TRAPPC8: variants seen among roughly 807,000 people sequenced by gnomAD.
TRAPPC8 encodes the protein trafficking protein particle complex subunit 8, also known as general sporulation gene 1 homolog.
Under a neutral mutation model 174.3 loss-of-function variants are expected in TRAPPC8, and 54 were observed. The ratio of observed to expected loss-of-function variants is 0.31; its 90% confidence interval spans 0.25 to 0.39. TRAPPC8 has a LOEUF of 0.39. TRAPPC8 is among the 10% of genes least tolerant of loss of function. The probability of loss-of-function intolerance (pLI) is 1.00; values close to 1 mark genes in which losing one functional copy is unlikely to be tolerated. For missense variants in TRAPPC8, 1,531 were observed against 1,699.1 expected (o/e 0.90, Z 1.74); for synonymous variants, 630 against 579.9 (o/e 1.09, Z -1.24).
At chr18:31,893,971 T>C (rs537875785) in intron 11 of TRAPPC8, among the ~76,000 whole-genome samples, 1 of 152,178 alleles carries the variant, frequency 6.6e-6, no homozygotes, top group Non-Finnish European at 1.5e-5. Flanking sequence ...TGAGAATATT[T>C]AATGGTTTGC....
intron 16 of TRAPPC8, among the ~76,000 whole-genome samples, chr18:31,869,528 C>A (rs1021245683): frequency 6.6e-6 from 1 of 152,110 alleles, no homozygotes; most frequent in African/African-American, 2.4e-5. Context: ...CTGGAATCTT[C>A]CCCACAAAAA....
rs1205382965 is a variant in TRAPPC8 at position 31,916,378 on chromosome 18, G to A, written c.511C>T (p.His171Tyr). 3.1e-6 allele frequency: 5 copies of A among 1,613,764 alleles called. No homozygotes were observed. The highest frequency in any genetic ancestry group is 8.5e-7 in the Non-Finnish European group (1 of 1,179,926). ...EQFSKLSQEQ[H>Y]RIQHNSDYSY... ...TAATCACTGTTGTGCTGAATTCGAT[G>A]CTGTTCTTGTGACAACTTTGAAAAC... Residue 171 changes from histidine to tyrosine, a missense_variant, in exon 4 of 29, where the codon CAT becomes TAT. Physicochemically the swap from His to Tyr is moderately conservative, Grantham distance 83. Coordinates refer to ENST00000283351, the MANE Select transcript of TRAPPC8 (RefSeq NM_014939.5).
At chr18:31,867,003 T>C (rs1480205845) in intron 17 of TRAPPC8, 28 bp from the exon 18 acceptor site, 2 of 1,609,148 alleles carry the variant, frequency 1.2e-6, no homozygotes, top group Non-Finnish European at 1.7e-6. Context: ...TCAGTCTTAT[T>C]ATGTTTTCAT....
chr18:31,852,353 G>A lies in TRAPPC8; in HGVS notation c.3561+93C>T, dbSNP rs886366379. 3.1e-4 allele frequency: 449 copies of A among 1,437,234 alleles called. 2 individuals carry two copies. The highest frequency in any genetic ancestry group is 4.1e-4 in the Non-Finnish European group (430 of 1,038,806). 89.0% of individuals were successfully genotyped at this position (1,437,234 alleles called of 1,614,324 possible). A position where few individuals can be genotyped will look rare whatever the true frequency, so the allele number is the denominator to read the frequency against. On this transcript the variant is annotated intron_variant, in intron 24 of 28. Transcript: ENST00000283351. ...CCTTGTCTCCCCCCCAAAAAAAAGC[G>A]TTTGGGAATTACTGCGATAAGCCTT...
intron 14 of TRAPPC8, among the ~76,000 whole-genome samples, chr18:31,872,030 C>T (rs2034890254): frequency 6.6e-6 from 1 of 151,914 alleles, no homozygotes; most frequent in Non-Finnish European, 1.5e-5. Flanking sequence ...GTTATACAGA[C>T]ATATTTTCTT....
At chr18:31,833,941 G>A (rs2032536568) in intron 27 of TRAPPC8, among the ~76,000 whole-genome samples, 1 of 144,784 alleles carries the variant, frequency 6.9e-6, no homozygotes, top group Non-Finnish European at 1.5e-5. Flanking sequence ...GGTGGAGCTT[G>A]CAGTGAGCCG....
chr18:31,883,430 G>C (rs560103213), intron 12 of TRAPPC8: 1 of 152,430 alleles, frequency 6.6e-6, no homozygotes, highest in East Asian at 1.9e-4. Context: ...AAAGAAGATA[G>C]ACAGTAGAGT....
At chr18:31,869,241 GA>G (rs1416327568) in intron 16 of TRAPPC8, among the ~76,000 whole-genome samples, 1 of 151,572 alleles carries the variant, frequency 6.6e-6, no homozygotes, top group East Asian at 1.9e-4. Context: ...GAAATGAAAA[GA>G]AAAAAATATA....
At chr18:31,902,789 G>A (rs377222432) in intron 9 of TRAPPC8, among the ~76,000 whole-genome samples, 2 of 151,918 alleles carry the variant, frequency 1.3e-5, no homozygotes, top group East Asian at 1.9e-4. Flanking sequence ...GGTGGCTCAC[G>A]CCTGTAATCC....
chr18:31,854,551 TAAG>T (rs1323916611), intron 21 of TRAPPC8, among the ~76,000 whole-genome samples: 10 of 152,122 alleles, frequency 6.6e-5, no homozygotes, highest in African/African-American at 2.4e-4. Context: ...CTTACAAATT[TAAG>T]AAGTTAAAAG....
chr18:31,882,476 A>G (rs1413633681), intron 12 of TRAPPC8, among the ~76,000 whole-genome samples: 1 of 152,086 alleles, frequency 6.6e-6, no homozygotes, highest in Non-Finnish European at 1.5e-5. Context: ...AAGGGAAGGA[A>G]GTGAGGGTTG....
chr18:31,859,379 A>G (rs957786880), intron 19 of TRAPPC8, among the ~76,000 whole-genome samples: 4 of 152,206 alleles, frequency 2.6e-5, no homozygotes, highest in African/African-American at 9.7e-5. Context: ...AATCCCGCAC[A>G]TAGATTTAAT....
At chr18:31,868,451 C>T (rs2034688132) in intron 16 of TRAPPC8, among the ~76,000 whole-genome samples, 1 of 152,060 alleles carries the variant, frequency 6.6e-6, no homozygotes. Context: ...CCATATTGAA[C>T]AGACTAATAT....
At chr18:31,918,608 T>G (rs1598737740) in intron 2 of TRAPPC8, among the ~76,000 whole-genome samples, 1 of 152,194 alleles carries the variant, frequency 6.6e-6, no homozygotes, top group South Asian at 2.1e-4. Context: ...TAGTTCAAAA[T>G]GTAAATGGTG....
At position 31,863,688 on chromosome 18, in the gene TRAPPC8, T is replaced by C. The variant is rs1452299213; in HGVS notation, c.2745+939A>G. ...CACTTTTGGAGGTAGGTTGCTATCCTTGTAAACCCCCTACTAGAATAACTT... is the reference window on the plus strand; with the variant it reads ...CACTTTTGGAGGTAGGTTGCTATCCCTGTAAACCCCCTACTAGAATAACTT... On this transcript the variant is annotated intron_variant, in intron 19 of 28. Coordinates refer to ENST00000283351, the MANE Select transcript of TRAPPC8 (RefSeq NM_014939.5). Among the ~76,000 whole-genome samples the C allele has an allele frequency of 2.0e-5, 3 of 152,252 alleles. No homozygotes were observed. In the East Asian group the frequency reaches 5.8e-4, roughly 29 times the overall value.
At chr18:31,922,005 A>G (rs944128238) in intron 2 of TRAPPC8, among the ~76,000 whole-genome samples, 1 of 152,190 alleles carries the variant, frequency 6.6e-6, no homozygotes, top group African/African-American at 2.4e-5. Context: ...GAAGAATGTA[A>G]CCCAAAACTG....
chr18:31,860,402 T>TAA (rs2145127541), intron 19 of TRAPPC8, among the ~76,000 whole-genome samples: 1 of 152,276 alleles, frequency 6.6e-6, no homozygotes, highest in African/African-American at 2.4e-5. Context: ...GAAAGATTTC[T>TAA]AATCCACATA....
intron 1 of TRAPPC8, 137 bp downstream of exon 1, chr18:31,942,471 C>T (rs1418946012): frequency 8.5e-7 from 1 of 1,176,154 alleles, no homozygotes; most frequent in East Asian, 3.1e-5. Flanking sequence ...CGGAGCACCG[C>T]GGGGCCACAG....
chr18:31,848,154 T>C (rs1258699856), intron 25 of TRAPPC8, among the ~76,000 whole-genome samples: 1 of 152,186 alleles, frequency 6.6e-6, no homozygotes, highest in Non-Finnish European at 1.5e-5. Context: ...ACCAGGGTAC[T>C]AGCCACTACC....
Sources: allele counts gnomAD v4.1 joint callset (sites outside exome capture counted in the v4.1 genomes callset), GRCh38; gene constraint gnomAD v4.1.1; transcripts MANE v1.5; gene names NCBI Gene and HGNC (gene_info 2026-07-23, HGNC 2026-07-21).